RBM10: variants seen among roughly 807,000 people sequenced by gnomAD.
RBM10 encodes RNA-binding protein 10.
Under a neutral mutation model 84.9 loss-of-function variants are expected in RBM10, and 1 was observed. The ratio of observed to expected loss-of-function variants is 0.01; its 90% CI spans 0.00 to 0.06. The LOEUF is 0.06. Among genes scored for constraint, RBM10 ranks in the 10% least tolerant of loss-of-function variants. The pLI, the probability that RBM10 is intolerant of heterozygous loss-of-function variation, is 1.00. For synonymous variants in RBM10, 326 were observed against 344.5 expected, an observed-to-expected ratio of 0.95 and a Z score of 0.60; for missense variants, 438 against 839.0, an observed-to-expected ratio of 0.52 and a Z score of 5.90.
chrX:47,184,355 T>C (rs1009355177), intron 17 of RBM10, among the ~76,000 whole-genome samples: 3 of 111,823 alleles, frequency 2.7e-5, no homozygotes, highest in African/African-American at 6.5e-5. Flanking sequence ...GGTCTCAAAC[T>C]CCTGACCTCA....
rs186243950 is a variant in RBM10, at chrX:47,163,655, A to G, written c.18-5660A>G. ...AACTTTTGGAAGTCTCTCTGAACCT[A>G]TTCTGGTTCAGGGACTGCTGGTAAC... is the stretch of plus-strand genomic sequence containing the variant. On this transcript the variant is annotated intron_variant, in intron 2 of 23. Transcript: ENST00000377604. 4.9e-4 allele frequency among the ~76,000 whole-genome samples: 54 copies of G among 109,567 alleles called. 1 individual carries two copies. The highest frequency in any genetic ancestry group is 4.2e-3 in the Admixed American group (43 of 10,223).
intron 2 of RBM10, among the ~76,000 whole-genome samples, chrX:47,149,817 A>ATTTTTT (rs1219884284): frequency 2.3e-5 from 2 of 86,066 alleles, no homozygotes; most frequent in Non-Finnish European, 4.6e-5. Context: ...TGCTAGCATC[A>ATTTTTT]TTTTTTTTTT....
intron 2 of RBM10, among the ~76,000 whole-genome samples, chrX:47,160,977 G>A (rs918556395): frequency 9.0e-6 from 1 of 111,710 alleles, no homozygotes; most frequent in Non-Finnish European, 1.9e-5. Flanking sequence ...TTTGAAACAA[G>A]GTCTTGCTGT....
At chrX:47,167,327 A>T (rs1367297314) in intron 2 of RBM10, among the ~76,000 whole-genome samples, 1 of 108,556 alleles carries the variant, frequency 9.2e-6, no homozygotes, top group African/African-American at 3.3e-5. Context: ...CCATTTCAAG[A>T]TTATAAAGAA....
intron 2 of RBM10, chrX:47,157,430 G>A: frequency 2.8e-6 from 1 of 353,026 alleles, no homozygotes; most frequent in East Asian, 6.1e-5. Flanking sequence ...TTTTGCACAT[G>A]AACAGGAAAG....
At chrX:47,180,342 T>TTCCCCCCCCCCCCCCCCCCCCCCC in intron 11 of RBM10, 33 bp downstream of exon 11, 1 of 1,059,501 alleles carries the variant, frequency 9.4e-7, no homozygotes, top group Non-Finnish European at 1.3e-6. Context: ...TTCCCACCCT[T>TTCCCCCCCCCCCCCCCCCCCCCCC]CCCCTCCCCA....
intron 2 of RBM10, among the ~76,000 whole-genome samples, chrX:47,166,116 T>C (rs1301611006): frequency 2.7e-5 from 3 of 111,721 alleles, no homozygotes; most frequent in African/African-American, 9.8e-5. Context: ...AAATTTTAAG[T>C]TTATTTTAGG....
chrX:47,150,298 A>G (rs1602491263), intron 2 of RBM10, among the ~76,000 whole-genome samples: 1 of 110,197 alleles, frequency 9.1e-6, no homozygotes, highest in East Asian at 2.8e-4. Flanking sequence ...CCTCCCGAGT[A>G]GCTGGTGCTA....
intron 2 of RBM10, chrX:47,156,635 TG>T: frequency 7.0e-6 from 1 of 142,766 alleles, no homozygotes. Flanking sequence ...CTTGGCTCCA[TG>T]GGTACTGGGA....
intron 4 of RBM10, 48 bp downstream of exon 4, chrX:47,171,306 C>A (rs2147137847): frequency 8.3e-7 from 1 of 1,198,149 alleles, no homozygotes; most frequent in Non-Finnish European, 1.1e-6. Flanking sequence ...TGGGTCTCCT[C>A]CAGGGCCCTC....
rs782382742 is a variant in RBM10 at position 47,167,129 on chromosome X, T to C, written c.18-2186T>C. ...AGAGCATCTTTTCAGATACACATCATTGATATTTTTATCTGTGAATTCTGT... is the reference window on the plus strand; with the variant it reads ...AGAGCATCTTTTCAGATACACATCACTGATATTTTTATCTGTGAATTCTGT... On this transcript the variant is annotated intron_variant, in intron 2 of 23. Transcript: ENST00000377604. Among the ~76,000 whole-genome samples, 3 of 111,391 alleles carry C rather than the reference T, an allele frequency of 2.7e-5. No individual in the cohort carries two copies. In the East Asian group the frequency reaches 8.4e-4, roughly 31 times the overall value.
chrX:47,165,472 G>T (rs1228747621), intron 2 of RBM10, among the ~76,000 whole-genome samples: 1 of 98,498 alleles, frequency 1.0e-5, no homozygotes, highest in African/African-American at 3.8e-5. Flanking sequence ...CCAAGATTGC[G>T]CCATTGGACT....
chrX:47,166,000 A>G (rs1430758644), intron 2 of RBM10, among the ~76,000 whole-genome samples: 1 of 111,032 alleles, frequency 9.0e-6, no homozygotes, highest in African/African-American at 3.3e-5. Flanking sequence ...AGCCTGGGTG[A>G]CAGAGCGAGA....
intron 7 of RBM10, 79 bp downstream of exon 7, chrX:47,176,665 C>T (rs1556776418): frequency 2.5e-6 from 3 of 1,178,600 alleles, no homozygotes; most frequent in Non-Finnish European, 3.4e-6. Context: ...TCCTCTCCCG[C>T]TCTTTCTCCC....
chrX:47,179,738 C>T (rs1935390039), intron 9 of RBM10, 142 bp from the exon 10 acceptor site: 3 of 896,353 alleles, frequency 3.3e-6, no homozygotes, highest in South Asian at 2.2e-5. Flanking sequence ...CAGAGTTGAT[C>T]CTGGAGGAAG....
At chrX:47,157,576 G>A (rs1015193132) in intron 2 of RBM10, 5 of 448,437 alleles carry the variant, frequency 1.1e-5, no homozygotes, top group Middle Eastern at 8.1e-4. Flanking sequence ...GACTTGGAGC[G>A]GTCGAGCAGG....
At chrX:47,180,076 G>T (rs781890581) in intron 10 of RBM10, 36 bp downstream of exon 10, 1 of 1,206,312 alleles carries the variant, frequency 8.3e-7, no homozygotes, top group African/African-American at 1.7e-5. Flanking sequence ...GGCAGCCAGG[G>T]TCCCGGCCCC....
At position 47,170,947 on chromosome X, in the gene RBM10, C is replaced by G. The variant is rs1414116356; in HGVS notation, c.202-81C>G. ...TCCCTGGCTTTCAGAGCCTGCCTGC[C>G]TCACAGAGCCAGCGGCCAGCTCCTA... On this transcript the variant is annotated intron_variant, in intron 3 of 23. Coordinates refer to ENST00000377604, the MANE Select transcript of RBM10 (RefSeq NM_005676.5). 5.8e-6 allele frequency: 6 copies of G among 1,033,318 alleles called. No individual in the cohort carries two copies. In the Admixed American group the frequency reaches 1.4e-4, roughly 24 times the overall value. The allele number at this position is 1,033,318 out of a possible 1,213,427, so 85.2% of individuals were successfully genotyped here.
At chrX:47,155,887 G>A (rs1392547843) in intron 2 of RBM10, among the ~76,000 whole-genome samples, 1 of 94,210 alleles carries the variant, frequency 1.1e-5, no homozygotes, top group Non-Finnish European at 2.1e-5. Context: ...TCAGCTCACC[G>A]CAACCTCTGC....
Sources: allele counts gnomAD v4.1 joint callset (sites outside exome capture counted in the v4.1 genomes callset), GRCh38; gene constraint gnomAD v4.1.1; transcripts MANE v1.5; gene names NCBI Gene and HGNC (gene_info 2026-07-23, HGNC 2026-07-21).